The following FAM222A variants were observed in gnomAD, a reference collection of about 807,000 sequenced individuals.
FAM222A encodes protein FAM222A.
A neutral mutation model predicts 25.8 loss-of-function variants in FAM222A; 7 were observed. That is an observed-to-expected ratio of 0.27 (90% confidence interval 0.15 to 0.51). FAM222A has a LOEUF of 0.51. Ranked by LOEUF, FAM222A falls within the 20% of genes least tolerant of loss-of-function variation. The pLI is 0.97. For missense variants in FAM222A, 573 were observed against 640.5 expected (o/e 0.89, Z 1.14); for synonymous variants, 294 against 298.8 (o/e 0.98, Z 0.17).
At chr12:109,731,761 C>T (rs1887953675) in intron 1 of FAM222A, among the ~76,000 whole-genome samples, 2 of 152,130 alleles carry the variant, frequency 1.3e-5, no homozygotes, top group Admixed American at 1.3e-4. Flanking sequence ...CCCGTGTGTT[C>T]TGGGTGTGTG....
chr12:109,723,002 T>TGGGGGGGGGGGG (rs141202990), intron 1 of FAM222A, among the ~76,000 whole-genome samples: 6 of 61,892 alleles, frequency 9.7e-5, no homozygotes, highest in African/African-American at 2.5e-4. Context: ...AGGGAGCGGG[T>TGGGGGGGGGGGG]GGGGGGGGGA....
chr12:109,738,878 C>T (rs898365245), intron 1 of FAM222A, among the ~76,000 whole-genome samples: 3 of 152,238 alleles, frequency 2.0e-5, no homozygotes, highest in Non-Finnish European at 4.4e-5. Flanking sequence ...GGGAAACAGA[C>T]TCAGAGAGGT....
chr12:109,740,827 G>T (rs1413994015), intron 1 of FAM222A, among the ~76,000 whole-genome samples: 1 of 152,196 alleles, frequency 6.6e-6, no homozygotes, highest in Non-Finnish European at 1.5e-5. Context: ...TGTGAAAATT[G>T]GCAATTACAC....
chr12:109,764,813 C>T (rs1286967125), intron 2 of FAM222A, among the ~76,000 whole-genome samples: 2 of 152,174 alleles, frequency 1.3e-5, no homozygotes, highest in Non-Finnish European at 2.9e-5. Context: ...CCGAGTGGCG[C>T]TAAGTGCCCA....
intron 1 of FAM222A, among the ~76,000 whole-genome samples, chr12:109,725,444 C>CCCCCTCCCT (rs1337695165): frequency 6.7e-6 from 1 of 148,846 alleles, no homozygotes; most frequent in Non-Finnish European, 1.5e-5. Context: ...CCCCCTCCCT[C>CCCCCTCCCT]CCCTAGGTCT....
At chr12:109,719,499 C>T (rs1032198317) in intron 1 of FAM222A, among the ~76,000 whole-genome samples, 9 of 152,166 alleles carry the variant, frequency 5.9e-5, no homozygotes, top group Admixed American at 5.2e-4. Flanking sequence ...AATCAGATGG[C>T]CCACAGCCTC....
Position 109,768,370 on chromosome 12 carries a change from C to A in FAM222A, c.441C>A (p.Pro147=). 1 of 1,596,898 alleles carries A rather than the reference C, an allele frequency of 6.3e-7. No homozygotes were observed. ...SPAAVQVGIA[P]YPVPSTLGPL... ...CCGCCGTGCAGGTGGGCATTGCGCCCTACCCAGTGCCCAGCACTCTGGGTC... is the reference window on the plus strand; with the variant it reads ...CCGCCGTGCAGGTGGGCATTGCGCCATACCCAGTGCCCAGCACTCTGGGTC... The change falls in exon 3 of 3, where the codon CCC becomes CCA. Residue 147 remains proline (P), a synonymous_variant. Coordinates refer to ENST00000538780, the MANE Select transcript of FAM222A (RefSeq NM_032829.3).
intron 1 of FAM222A, among the ~76,000 whole-genome samples, chr12:109,732,375 G>A (rs538796857): frequency 6.6e-5 from 10 of 152,272 alleles, no homozygotes; most frequent in Non-Finnish European, 1.0e-4. Context: ...CCCAGGTGCT[G>A]TGCATTTGGG....
At chr12:109,765,289 C>T (rs995194970) in intron 2 of FAM222A, among the ~76,000 whole-genome samples, 1 of 152,242 alleles carries the variant, frequency 6.6e-6, no homozygotes, top group Non-Finnish European at 1.5e-5. Flanking sequence ...CCATGACCCA[C>T]CCGATGCCAG....
At chr12:109,738,994 T>C (rs1411801344) in intron 1 of FAM222A, among the ~76,000 whole-genome samples, 1 of 152,218 alleles carries the variant, frequency 6.6e-6, no homozygotes, top group Non-Finnish European at 1.5e-5. Flanking sequence ...TTCTCTGAAC[T>C]AGTCCTGTTG....
At chr12:109,766,835 C>T (rs1197358123) in intron 2 of FAM222A, among the ~76,000 whole-genome samples, 1 of 152,064 alleles carries the variant, frequency 6.6e-6, no homozygotes, top group Non-Finnish European at 1.5e-5. Context: ...CCTAGAAATT[C>T]CATTCCTGGG....
Position 109,729,877 on chromosome 12 carries a change from C to A in FAM222A, c.-46-14224C>A, listed in dbSNP as rs915762786. Reference sequence around the variant, plus strand: ...TGTGCCAAAATGCCACTGCACCAATCTGTGAGGCAGATATATTATGAGCCC... The same window carrying A: ...TGTGCCAAAATGCCACTGCACCAATATGTGAGGCAGATATATTATGAGCCC... On this transcript the variant is annotated intron_variant, in intron 1 of 2. Transcript: ENST00000538780. Among the ~76,000 whole-genome samples, 5 of 152,380 alleles carry A rather than the reference C, an allele frequency of 3.3e-5. No homozygotes were observed. In the East Asian group the frequency reaches 9.6e-4, roughly 29 times the overall value.
intron 1 of FAM222A, among the ~76,000 whole-genome samples, chr12:109,725,504 CG>C (rs1051662723): frequency 1.5e-5 from 2 of 135,510 alleles, no homozygotes; most frequent in Non-Finnish European, 1.5e-5. Context: ...TGCCAGCAGC[CG>C]GGCCCCGAGC....
intron 1 of FAM222A, among the ~76,000 whole-genome samples, chr12:109,729,994 C>T (rs1168225785): frequency 6.6e-6 from 1 of 152,218 alleles, no homozygotes; most frequent in African/African-American, 2.4e-5. Context: ...AGACAGGCCA[C>T]TTCCAAAGTC....
rs1328869096 is a variant in FAM222A, at chr12:109,768,072, C to A, written c.143C>A (p.Ala48Asp). 2 of 1,613,908 alleles carry A rather than the reference C, an allele frequency of 1.2e-6. No homozygotes were observed. Among genetic ancestry groups the A allele is most frequent in the South Asian group, 2.2e-5 (2 of 91,084 alleles). Residue 48 changes from alanine (A) to aspartate (D), a missense_variant, in exon 3 of 3, where the codon GCC becomes GAC. Around this residue, in one of 3 missense-constraint regions of FAM222A, gnomAD observed 112 missense variants for 154.6 expected, o/e 0.72. Transcript: ENST00000538780. The stretch of plus-strand genomic sequence containing the variant: ...TACCCGAGCCCAGCAGAACTGGACG[C>A]CTATGCCGAGAAGGTGGCCAACAGC... Reference protein sequence around the residue: ...SRYPSPAELDAYAEKVANSPL... With the variant: ...SRYPSPAELDDYAEKVANSPL...
intron 1 of FAM222A, among the ~76,000 whole-genome samples, chr12:109,735,402 A>G (rs1888059273): frequency 6.6e-6 from 1 of 152,202 alleles, no homozygotes; most frequent in African/African-American, 2.4e-5. Context: ...ACGTGAGGTG[A>G]CGTCTGTAAA....
At chr12:109,740,203 CTT>C (rs1465974429) in intron 1 of FAM222A, among the ~76,000 whole-genome samples, 1 of 152,162 alleles carries the variant, frequency 6.6e-6, no homozygotes, top group Non-Finnish European at 1.5e-5. Flanking sequence ...GTCACATTTC[CTT>C]TATCTAAATC....
chr12:109,729,372 G>A (rs1279772369), intron 1 of FAM222A, among the ~76,000 whole-genome samples: 1 of 152,188 alleles, frequency 6.6e-6, no homozygotes, highest in Non-Finnish European at 1.5e-5. Context: ...GGGGTCTCAG[G>A]ACGGCTTGCC....
intron 2 of FAM222A, among the ~76,000 whole-genome samples, chr12:109,745,077 A>G (rs921451995): frequency 6.6e-6 from 1 of 152,180 alleles, no homozygotes; most frequent in African/African-American, 2.4e-5. Flanking sequence ...ATGTTATGCA[A>G]CACTTGGAGG....
Sources: allele counts gnomAD v4.1 joint callset (sites outside exome capture counted in the v4.1 genomes callset), GRCh38; gene constraint gnomAD v4.1.1; regional missense constraint gnomAD v4.1.1; transcripts MANE v1.5; gene names NCBI Gene and HGNC (gene_info 2026-07-23, HGNC 2026-07-21).